LRRC56: variants seen among roughly 807,000 people sequenced by gnomAD.
LRRC56 encodes the protein leucine rich repeat containing 56.
Under a neutral mutation model 47.8 loss-of-function variants are expected in LRRC56, and 41 were observed. The observed-to-expected ratio is 0.86, with a 90% CI of 0.67 to 1.11. The LOEUF is 1.11. Among genes scored for constraint, LRRC56 ranks in the 50% most tolerant of loss-of-function variants. The pLI is 0.00. For synonymous variants in LRRC56, 387 were observed against 311.2 expected, an observed-to-expected ratio of 1.24 and a Z score of -2.56; for missense variants, 759 against 704.2, an observed-to-expected ratio of 1.08 and a Z score of -0.88.
At chr11:513,836 A>G in the LRRC56 span, among the ~76,000 whole-genome samples, 28 of 150,954 alleles carry the variant, frequency 1.9e-4, no homozygotes, top group Non-Finnish European at 3.0e-4. Context: ...AAAAAAAAAA[A>G]AGGAAGAAAT....
At position 541,836 on chromosome 11, in the gene LRRC56, C is replaced by T. The variant is rs1309567858; in HGVS notation, c.265+212C>T. ...GCACACCACACCAGTACCCCCAGCACGCTCAGTACCCCACACACCCACACC... is the reference window on the plus strand; with the variant it reads ...GCACACCACACCAGTACCCCCAGCATGCTCAGTACCCCACACACCCACACC... On this transcript the variant is annotated intron_variant, in intron 5 of 13. Coordinates refer to ENST00000270115, the MANE Select transcript of LRRC56 (RefSeq NM_198075.4). The surrounding 1 kb of genome is among the most constrained non-coding windows in gnomAD (Gnocchi z 4.1). 2.6e-5 allele frequency among the ~76,000 whole-genome samples: 4 copies of T among 151,158 alleles called. No homozygotes were observed. Among genetic ancestry groups the T allele is most frequent in the East Asian group, 3.9e-4 (2 of 5,132 alleles).
intron 2 of LRRC56, among the ~76,000 whole-genome samples, chr11:539,223 G>A (rs1851664600): frequency 6.6e-6 from 1 of 152,036 alleles, no homozygotes; most frequent in Non-Finnish European, 1.5e-5. Context: ...TGGGACTACA[G>A]GCGTCCGCCA....
At chr11:533,399 TGGGGCGGGGC>T, upstream of LRRC56, 1 of 1,323,958 alleles carries the variant, frequency 7.6e-7, no homozygotes, top group East Asian at 2.4e-5. Flanking sequence ...GCTCCCTGGC[TGGGGCGGGGC>T]GGGGCGGGTC....
chr11:546,500 G>A (rs1032176690), intron 6 of LRRC56, among the ~76,000 whole-genome samples: 5 of 151,922 alleles, frequency 3.3e-5, no homozygotes, highest in Middle Eastern at 3.2e-3. Flanking sequence ...CCCAGGAGGC[G>A]GAGCTTGCAG....
At position 549,040 on chromosome 11, in the gene LRRC56, C is replaced by T. The variant is rs1852231081; in HGVS notation, c.327-862C>T. Among the ~76,000 whole-genome samples the T allele has an allele frequency of 2.6e-5, 4 of 152,176 alleles. No individual in the cohort carries two copies. In the South Asian group the frequency reaches 8.3e-4, roughly 32 times the overall value. On this transcript the variant is annotated intron_variant, in intron 6 of 13. Coordinates refer to ENST00000270115, the MANE Select transcript of LRRC56 (RefSeq NM_198075.4). ...GCAGCAGGCTGAGGACAGACACTGA[C>T]TCCACAGCGCGAAAGGACGGACCAC... is the stretch of plus-strand genomic sequence containing the variant.
chr11:539,287 T>G (rs560026057), intron 2 of LRRC56, among the ~76,000 whole-genome samples: 11 of 151,410 alleles, frequency 7.3e-5, no homozygotes, highest in Admixed American at 2.6e-4. Flanking sequence ...GGGTTTCACC[T>G]CGTTAGCCAG....
upstream of LRRC56, among the ~76,000 whole-genome samples, chr11:536,695 C>A (rs956091293): frequency 6.6e-6 from 1 of 152,246 alleles, no homozygotes; most frequent in Non-Finnish European, 1.5e-5. Flanking sequence ...CGCTGGAACC[C>A]GGGAGGCGGA....
chr11:550,299 A>G, intron 8 of LRRC56, 27 bp downstream of exon 8: 7 of 1,501,288 alleles, frequency 4.7e-6, no homozygotes, highest in Non-Finnish European at 6.2e-6. Flanking sequence ...CCCGGCCAGC[A>G]TGTGCATGGC....
upstream of LRRC56, chr11:534,328 C>T (rs896645238): frequency 1.2e-5 from 19 of 1,609,590 alleles, no homozygotes; most frequent in Non-Finnish European, 1.5e-5. Flanking sequence ...GTCATCGCTC[C>T]TCAGGGGCCT....
chr11:554,015 A>G lies in LRRC56; in HGVS notation c.1368A>G (p.Pro456=). The G allele has an allele frequency of 1.2e-6, 2 of 1,612,182 alleles. No homozygotes were observed. The highest frequency in any genetic ancestry group is 3.3e-5 in the Admixed American group (2 of 59,986). ...TGGTCCCTTCACCTCCCAAGCACCC[A>G]AGGCCACGAGATTCTGGCAGCAGCT... The part of the protein sequence containing the change: ...QHLVPSPPKH[P]RPRDSGSSSP... Residue 456 remains proline, a synonymous_variant, in exon 14 of 14, where the codon CCA becomes CCG. Coordinates refer to ENST00000270115, the MANE Select transcript of LRRC56 (RefSeq NM_198075.4).
chr11:506,778 G>A, the LRRC56 span: 1 of 152,380 alleles, frequency 6.6e-6, no homozygotes, highest in Non-Finnish European at 1.5e-5. Flanking sequence ...TAAGGCACTA[G>A]AGGGCTTGAC....
At chr11:518,499 T>C in the LRRC56 span, among the ~76,000 whole-genome samples, 1 of 152,032 alleles carries the variant, frequency 6.6e-6, no homozygotes, top group African/African-American at 2.4e-5. Flanking sequence ...TAAATTTTTT[T>C]TGTATTGTTG....
the LRRC56 span, among the ~76,000 whole-genome samples, chr11:509,387 T>C: frequency 6.6e-6 from 1 of 152,168 alleles, no homozygotes; most frequent in African/African-American, 2.4e-5. Flanking sequence ...CTCATAAGAG[T>C]GAAGAAAATG....
Position 541,441 on chromosome 11 carries a change from T to C in LRRC56, c.178-96T>C. 2 of 658,050 alleles carry C rather than the reference T, an allele frequency of 3.0e-6. No homozygotes were observed. Among genetic ancestry groups the C allele is most frequent in the South Asian group, 5.7e-5 (2 of 34,894 alleles). The allele number at this position is 658,050 out of a possible 1,614,324, so 40.8% of individuals were successfully genotyped here. A position where few individuals can be genotyped will look rare whatever the true frequency, so the allele number is the denominator to read the frequency against. ...CAGGCAGGGAAACGTCGGTGCCTGC[T>C]CCAGCGGGAGCCCCAGAGTCCTGTA... On this transcript the variant is annotated intron_variant, in intron 4 of 13. Transcript: ENST00000270115. The surrounding 1 kb of genome is among the most constrained non-coding windows in gnomAD (Gnocchi z 4.1).
the LRRC56 span, among the ~76,000 whole-genome samples, chr11:510,009 A>C: frequency 6.6e-6 from 1 of 151,524 alleles, no homozygotes; most frequent in Admixed American, 6.6e-5. Context: ...GTCCTGGCCG[A>C]CTCGAGTGTG....
At chr11:530,226 C>G in the LRRC56 span, among the ~76,000 whole-genome samples, 1 of 152,220 alleles carries the variant, frequency 6.6e-6, no homozygotes, top group Non-Finnish European at 1.5e-5. Flanking sequence ...CCTGCCCAGC[C>G]CCGTAATGAC....
At chr11:537,485 G>C (rs1333669325), upstream of LRRC56, 1 of 152,270 alleles carries the variant, frequency 6.6e-6, no homozygotes, top group African/African-American at 2.4e-5. Flanking sequence ...CCGTTGCTAT[G>C]GCGCCCAGGC....
At chr11:508,796 C>T in the LRRC56 span, among the ~76,000 whole-genome samples, 1 of 151,590 alleles carries the variant, frequency 6.6e-6, no homozygotes, top group Non-Finnish European at 1.5e-5. Flanking sequence ...GTAATTCCAA[C>T]ACTTTGGGAG....
rs1398015830 is a variant in LRRC56, at chr11:554,084, C to T, written c.1437C>T (p.Leu479=). 1 of 1,608,712 alleles carries T rather than the reference C, an allele frequency of 6.2e-7. No homozygotes were observed. The highest frequency in any genetic ancestry group is 2.2e-5 in the East Asian group (1 of 44,860). Reference sequence around the variant, plus strand: ...ACCTGCAGTCCAGGGGGCGTCGGCTCCGAGTCCTGGGCAGCTGGGGGCCTG... The same window carrying T: ...ACCTGCAGTCCAGGGGGCGTCGGCTTCGAGTCCTGGGCAGCTGGGGGCCTG... ...STDLQSRGRR[L]RVLGSWGPGL... The change falls in exon 14 of 14, where the codon CTC becomes CTT. Residue 479 remains leucine, a synonymous_variant. Transcript: ENST00000270115.
Sources: gnomAD v4.1 joint callset for allele counts (sites outside exome capture counted in the v4.1 genomes callset) on GRCh38, gnomAD v4.1.1 for gene constraint, Gnocchi (gnomAD v3.1) non-coding constraint, MANE v1.5 for transcripts, NCBI Gene and HGNC (gene_info 2026-07-23, HGNC 2026-07-21) for gene names.